Variants in MAP7D1 observed in about 807,000 individuals in gnomAD.
MAP7D1 encodes MAP7 domain containing 1, also known as MAP7 domain-containing protein 1.
In MAP7D1, 30 loss-of-function variants were observed where a neutral mutation model predicts 97.5. The ratio of observed to expected loss-of-function variants is 0.31; its 90% CI spans 0.23 to 0.42. The LOEUF is 0.42. MAP7D1 is among the 10% of genes least tolerant of loss of function. MAP7D1 has a pLI of 1.00. For missense variants in MAP7D1, 1,184 were observed against 1,179.5 expected (o/e 1.00, Z -0.06); for synonymous variants, 536 against 477.1 (o/e 1.12, Z -1.61).
chr1:36,177,634 T>C, intron 8 of MAP7D1: 1 of 751,082 alleles, frequency 1.3e-6, no homozygotes, highest in Non-Finnish European at 2.3e-6. Flanking sequence ...TTTTTTCTCT[T>C]ATTAAGCTTA....
chr1:36,170,574 T>G (rs1644527427), intron 1 of MAP7D1, among the ~76,000 whole-genome samples: 2 of 152,198 alleles, frequency 1.3e-5, no homozygotes, highest in African/African-American at 4.8e-5. Flanking sequence ...ATTCTGCCCC[T>G]TCGCATATAC....
chr1:36,167,697 A>C (rs1471516257), intron 1 of MAP7D1, among the ~76,000 whole-genome samples: 6 of 152,164 alleles, frequency 3.9e-5, no homozygotes, highest in Non-Finnish European at 7.4e-5. Flanking sequence ...CAGACTCTGA[A>C]GCCTGTGACC....
intron 1 of MAP7D1, among the ~76,000 whole-genome samples, chr1:36,168,730 T>C (rs1644503506): frequency 6.6e-6 from 1 of 152,122 alleles, no homozygotes; most frequent in African/African-American, 2.4e-5. Context: ...GAGCCTCAGA[T>C]AATTTATTGC....
chr1:36,180,135 G>A (rs1372640225), intron 16 of MAP7D1, 68 bp downstream of exon 16: 1 of 1,610,246 alleles, frequency 6.2e-7, no homozygotes, highest in African/African-American at 1.3e-5. Context: ...CCTCAGCCCT[G>A]CCTTCTCTTC....
At chr1:36,171,492 G>A (rs764071759) in intron 2 of MAP7D1, 21 bp from the exon 3 acceptor site, 115 of 1,613,856 alleles carry the variant, frequency 7.1e-5, no homozygotes, top group Non-Finnish European at 9.4e-5. Context: ...TGACCTGTCT[G>A]TTCTTGTTCC....
chr1:36,177,722 A>G (rs1042566501), intron 8 of MAP7D1, 151 bp from the exon 9 acceptor site: 5 of 1,203,812 alleles, frequency 4.2e-6, no homozygotes, highest in Admixed American at 5.6e-5. Flanking sequence ...TGTATGCTCT[A>G]AAAGGGAATG....
Position 36,179,037 on chromosome 1 carries a change from T to C in MAP7D1, c.2130+12T>C. ...AAGAGCGCAGAAAGGTGTGCGGACCTGGGCGGGGATTTGTGGGCGGGGCCT... is the reference window on the plus strand; with the variant it reads ...AAGAGCGCAGAAAGGTGTGCGGACCCGGGCGGGGATTTGTGGGCGGGGCCT... On this transcript the variant is annotated intron_variant, in intron 12 of 16. Transcript: ENST00000474796. 1.4e-6 allele frequency: 1 copy of C among 735,952 alleles called. No homozygotes were observed. Among genetic ancestry groups the C allele is most frequent in the South Asian group, 1.6e-5 (1 of 64,296 alleles). 45.6% of individuals were successfully genotyped at this position (735,952 alleles called of 1,614,324 possible).
chr1:36,179,688 T>G lies in MAP7D1; in HGVS notation c.2250T>G (p.Ala750=). 2 of 1,524,984 alleles carry G rather than the reference T, an allele frequency of 1.3e-6. No homozygotes were observed. Among genetic ancestry groups the G allele is most frequent in the Non-Finnish European group, 1.8e-6 (2 of 1,134,498 alleles). 94.5% of individuals were successfully genotyped at this position (1,524,984 alleles called of 1,614,324 possible). ...SSPEPVKAVE[A]RSPGLQKEAV... Reference sequence around the variant, plus strand: ...CAGAGCCTGTGAAAGCTGTGGAGGCTCGGTCCCCAGGGCTGCAGAAGGAGG... The same window carrying G: ...CAGAGCCTGTGAAAGCTGTGGAGGCGCGGTCCCCAGGGCTGCAGAAGGAGG... The change falls in exon 15 of 17, where the codon GCT becomes GCG. Residue 750 remains alanine, a synonymous_variant. Transcript: ENST00000474796.
At chr1:36,178,893 GC>G in intron 11 of MAP7D1, 27 bp from the exon 12 acceptor site, 1 of 1,550,672 alleles carries the variant, frequency 6.4e-7, no homozygotes, top group Non-Finnish European at 8.7e-7. Flanking sequence ...GGAGTCAAGT[GC>G]CCCACGCTCA....
chr1:36,160,247 G>A (rs997565715), intron 1 of MAP7D1, among the ~76,000 whole-genome samples: 4 of 152,202 alleles, frequency 2.6e-5, no homozygotes, highest in Admixed American at 2.6e-4. Context: ...TGGCACCCAG[G>A]GGCACAGCCT....
chr1:36,156,308 T>TGCCGG lies in MAP7D1; in HGVS notation c.-92_-88dup, dbSNP rs371643371. 103 of 937,168 alleles carry TGCCGG rather than the reference T, an allele frequency of 1.1e-4. No homozygotes were observed. The highest frequency in any genetic ancestry group is 1.2e-4 in the Non-Finnish European group (83 of 695,650). 58.1% of individuals were successfully genotyped at this position (937,168 alleles called of 1,614,324 possible). ...GCGCCCCCGCCTCCGAGTCGCTACTTGCCGGGCCGGGCCGGGCCGGGCGTG... is the reference window on the plus strand; with the variant it reads ...GCGCCCCCGCCTCCGAGTCGCTACTTGCCGGGCCGGGCCGGGCCGGGCCGGGCGTG... On this transcript the variant is annotated 5_prime_UTR_variant, in exon 1 of 17. Coordinates refer to ENST00000474796, the MANE Select transcript of MAP7D1 (RefSeq NM_001388490.1).
chr1:36,161,518 C>T (rs141945014), intron 1 of MAP7D1, among the ~76,000 whole-genome samples: 2 of 152,276 alleles, frequency 1.3e-5, no homozygotes, highest in South Asian at 2.1e-4. Flanking sequence ...CCTGTTTCCT[C>T]GTTTGTAAAA....
chr1:36,167,665 C>T (rs116419527), intron 1 of MAP7D1, among the ~76,000 whole-genome samples: 1,714 of 152,282 alleles, frequency 0.011, 36 homozygotes, highest in African/African-American at 0.039. Context: ...CGCCGGGAGC[C>T]GAGGTCCTCA....
At chr1:36,168,355 A>G (rs1398299111) in intron 1 of MAP7D1, among the ~76,000 whole-genome samples, 1 of 150,296 alleles carries the variant, frequency 6.7e-6, no homozygotes, top group East Asian at 2.0e-4. Context: ...TGTGTGGATC[A>G]CTTTGCAGGT....
chr1:36,168,255 A>G (rs1304931557), intron 1 of MAP7D1, among the ~76,000 whole-genome samples: 1 of 149,622 alleles, frequency 6.7e-6, no homozygotes, highest in Non-Finnish European at 1.5e-5. Context: ...AGATCGCACC[A>G]CTGCACTCCA....
At position 36,159,389 on chromosome 1, in the gene MAP7D1, C is replaced by T. The variant is rs1441940676; in HGVS notation, c.46+2926C>T. ...TGTTTTTTGTCATTATTTTTAATTC[C>T]GTCAGAAGCCTGAGATGTGATTGAT... is the stretch of plus-strand genomic sequence containing the variant. On this transcript the variant is annotated intron_variant, in intron 1 of 16. Coordinates refer to ENST00000474796, the MANE Select transcript of MAP7D1 (RefSeq NM_001388490.1). The surrounding 1 kb of genome is among the most constrained non-coding windows in gnomAD (Gnocchi z 5.4). 6.6e-6 allele frequency among the ~76,000 whole-genome samples: 1 copy of T among 152,088 alleles called. No individual in the cohort carries two copies. Among genetic ancestry groups the T allele is most frequent in the Non-Finnish European group, 1.5e-5 (1 of 68,036 alleles).
At chr1:36,175,063 C>A in intron 6 of MAP7D1, 55 bp downstream of exon 6, 1 of 1,202,832 alleles carries the variant, frequency 8.3e-7, no homozygotes, top group Non-Finnish European at 1.2e-6. Flanking sequence ...TCCCACCAAG[C>A]CTCCTCCAGA....
chr1:36,165,687 G>C (rs942763895), intron 1 of MAP7D1, among the ~76,000 whole-genome samples: 5 of 149,696 alleles, frequency 3.3e-5, no homozygotes, highest in Non-Finnish European at 5.9e-5. Context: ...AAAGTGTTGG[G>C]ATTACAGGCA....
chr1:36,165,585 T>A (rs1319309280), intron 1 of MAP7D1, among the ~76,000 whole-genome samples: 2 of 151,816 alleles, frequency 1.3e-5, no homozygotes, highest in African/African-American at 2.4e-5. Flanking sequence ...CTGGGTAATT[T>A]AAAAAAATTT....
Sources: gnomAD v4.1 joint callset for allele counts (sites outside exome capture counted in the v4.1 genomes callset) on GRCh38, gnomAD v4.1.1 for gene constraint, Gnocchi (gnomAD v3.1) non-coding constraint, MANE v1.5 for transcripts, NCBI Gene and HGNC (gene_info 2026-07-23, HGNC 2026-07-21) for gene names.